TANGO2: variants seen among roughly 807,000 people sequenced by gnomAD.
The protein encoded by TANGO2 is transport and golgi organization 2 homolog.
TANGO2 carries 26 observed loss-of-function variants against 39.1 expected under a neutral mutation model. That is an observed-to-expected ratio of 0.67 (90% CI 0.49 to 0.92). The LOEUF (loss-of-function observed/expected upper bound fraction) is 0.92, where lower values mean the gene tolerates loss of function less well. TANGO2 is among the 40% of genes least tolerant of loss of function. TANGO2 has a pLI of 0.00. For missense variants in TANGO2, 326 were observed against 360.1 expected, an observed-to-expected ratio of 0.91 and a Z score of 0.77; for synonymous variants, 131 against 144.5, an observed-to-expected ratio of 0.91 and a Z score of 0.67.
chr22:20,044,428 A>G (rs1032220770), intron 3 of TANGO2, among the ~76,000 whole-genome samples: 1 of 152,210 alleles, frequency 6.6e-6, no homozygotes, highest in African/African-American at 2.4e-5. Context: ...CAGGAGGCTG[A>G]GGCTAGAGAA....
chr22:20,019,978 G>T (rs937517578), upstream of TANGO2, among the ~76,000 whole-genome samples: 1 of 152,238 alleles, frequency 6.6e-6, no homozygotes. Context: ...CAACGGGCCC[G>T]CATGTAGGTC....
chr22:20,056,038 G>A (rs1435107197), intron 6 of TANGO2, 25 bp downstream of exon 6: 4 of 1,597,006 alleles, frequency 2.5e-6, no homozygotes, highest in Non-Finnish European at 3.4e-6. Flanking sequence ...GCAGCCTGAT[G>A]GGGTGGGGGA....
rs1239160311 is a variant in TANGO2 at position 20,057,925 on chromosome 22, T to TGGCTGGA, written c.451+1914_451+1920dup. 6.6e-6 allele frequency: 1 copy of TGGCTGGA among 152,204 alleles called. No individual in the cohort carries two copies. The highest frequency in any genetic ancestry group is 1.5e-5 in the Non-Finnish European group (1 of 68,044). The allele number at this position is 152,204 out of a possible 1,614,324, so 9.4% of individuals were successfully genotyped here. A position where few individuals can be genotyped will look rare whatever the true frequency, so the allele number is the denominator to read the frequency against. On this transcript the variant is annotated intron_variant, in intron 6 of 8. Coordinates refer to ENST00000327374, the MANE Select transcript of TANGO2 (RefSeq NM_152906.7). This position sits in a 1 kb window ranked among gnomAD's most constrained non-coding sequence, Gnocchi z 4.1. ...CGGTTCTCAGAGGCTGAGACCTCCG[T>TGGCTGGA]GGCTGGAGATGCTTATTTTCTGCTC...
chr22:20,024,851 C>G (rs1305067336), intron 1 of TANGO2, among the ~76,000 whole-genome samples: 1 of 152,118 alleles, frequency 6.6e-6, no homozygotes, highest in African/African-American at 2.4e-5. Flanking sequence ...CCCTCTGGCC[C>G]CCAGGGTCTC....
At chr22:20,064,274 G>C (rs768919892) in intron 8 of TANGO2, among the ~76,000 whole-genome samples, 1 of 152,218 alleles carries the variant, frequency 6.6e-6, no homozygotes, top group Non-Finnish European at 1.5e-5. Context: ...CATGCTACAC[G>C]GGGAGAGCAG....
chr22:20,037,524 T>G (rs1461001013), intron 2 of TANGO2, among the ~76,000 whole-genome samples: 1 of 152,174 alleles, frequency 6.6e-6, no homozygotes, highest in Non-Finnish European at 1.5e-5. Flanking sequence ...GTACCAGAAA[T>G]GATTTGAACC....
At position 20,061,596 on chromosome 22, in the gene TANGO2, T is replaced by G. The variant is rs1462626617; in HGVS notation, c.518T>G (p.Leu173Arg). ...PWRKLCFGKQ[L>R]FLEAVERSQA... ...AGGAAGCTGTGCTTTGGGAAGCAGC[T>G]CTTCCTGGAGGCTGTGGAACGGAGC... Residue 173 changes from leucine (L) to arginine (R), a missense_variant, in exon 7 of 9, where the codon CTC becomes CGC. Coordinates refer to ENST00000327374, the MANE Select transcript of TANGO2 (RefSeq NM_152906.7). 3.1e-6 allele frequency: 5 copies of G among 1,595,984 alleles called. No homozygotes were observed. The highest frequency in any genetic ancestry group is 4.3e-6 in the Non-Finnish European group (5 of 1,171,470).
chr22:20,052,683 A>G (rs1317063449), intron 4 of TANGO2, 99 bp downstream of exon 4: 2 of 1,433,850 alleles, frequency 1.4e-6, no homozygotes, highest in Non-Finnish European at 9.4e-7. Flanking sequence ...TGGCCAATGT[A>G]TGGTGGAGTG....
chr22:20,049,653 T>G (rs1602188162), intron 3 of TANGO2, among the ~76,000 whole-genome samples: 1 of 139,324 alleles, frequency 7.2e-6, no homozygotes. Flanking sequence ...AGAGCGAAAC[T>G]CTGTCTCAAA....
At chr22:20,062,458 C>T (rs1265965055) in intron 7 of TANGO2, among the ~76,000 whole-genome samples, 1 of 152,228 alleles carries the variant, frequency 6.6e-6, no homozygotes, top group Non-Finnish European at 1.5e-5. Flanking sequence ...CCTTTCTGCC[C>T]CCTGCCTACC....
intron 1 of TANGO2, among the ~76,000 whole-genome samples, chr22:20,026,859 C>T (rs1280914541): frequency 2.0e-5 from 3 of 152,180 alleles, no homozygotes; most frequent in Non-Finnish European, 4.4e-5. Flanking sequence ...GGGACTTGGC[C>T]AAGTCTGTTT....
chr22:20,045,169 C>T (rs2044877863), intron 3 of TANGO2, among the ~76,000 whole-genome samples: 1 of 151,942 alleles, frequency 6.6e-6, no homozygotes, highest in Non-Finnish European at 1.5e-5. Flanking sequence ...GGGCCGGTGG[C>T]TCACACCTGT....
In TANGO2 at chr22:20,052,447, C is replaced by T. The variant is rs765391809; in HGVS notation, c.146-18C>T. 6.3e-7 allele frequency: 1 copy of T among 1,588,328 alleles called. No individual in the cohort carries two copies. The highest frequency in any genetic ancestry group is 2.3e-5 in the East Asian group (1 of 43,732). On this transcript the variant is annotated intron_variant, in intron 3 of 8. Transcript: ENST00000327374. ...GAATGGGTGGCATCAATGGTGGTAA[C>T]ACTGTCATCTGCCACAGGGCTGGAC... is the stretch of plus-strand genomic sequence containing the variant.
intron 5 of TANGO2, 60 bp downstream of exon 5, chr22:20,053,611 G>T: frequency 8.7e-7 from 1 of 1,149,776 alleles, no homozygotes; most frequent in Non-Finnish European, 1.3e-6. Context: ...GCAGGCCTCA[G>T]GCTCATCAGG....
chr22:20,050,357 G>GTTTTTT lies in TANGO2; in HGVS notation c.146-2108_146-2107insTTTTTT, dbSNP rs1491540119. On this transcript the variant is annotated intron_variant, in intron 3 of 8. Coordinates refer to ENST00000327374, the MANE Select transcript of TANGO2 (RefSeq NM_152906.7). ...ATTTTTCATTAAATATTTTCCTGGTGGTTTTTTTTTTTTTTTTTTTTTTTG... is the reference window on the plus strand; with the variant it reads ...ATTTTTCATTAAATATTTTCCTGGTGTTTTTTGTTTTTTTTTTTTTTTTTTTTTTTG... 6.9e-4 allele frequency among the ~76,000 whole-genome samples: 48 copies of GTTTTTT among 69,196 alleles called. 4 individuals carry two copies. Among genetic ancestry groups the GTTTTTT allele is most frequent in the African/African-American group, 7.0e-4 (13 of 18,646 alleles). 45.4% of individuals were successfully genotyped at this position (69,196 alleles called of 152,430 possible).
At chr22:20,045,187 G>C (rs932550021) in intron 3 of TANGO2, among the ~76,000 whole-genome samples, 1 of 151,682 alleles carries the variant, frequency 6.6e-6, no homozygotes, top group Non-Finnish European at 1.5e-5. Flanking sequence ...TGTAATCTCA[G>C]CACTTTGGGA....
chr22:20,029,667 AGGCTGGT>A (rs2041467639), intron 1 of TANGO2, among the ~76,000 whole-genome samples: 2 of 152,114 alleles, frequency 1.3e-5, no homozygotes, highest in Admixed American at 6.5e-5. Flanking sequence ...GTCCCTGCTG[AGGCTGGT>A]GGCATTTGCA....
chr22:20,045,977 C>T (rs2045099209), intron 3 of TANGO2, among the ~76,000 whole-genome samples: 2 of 151,984 alleles, frequency 1.3e-5, no homozygotes, highest in African/African-American at 4.8e-5. Context: ...GGGAGCCAGC[C>T]CTACTCCCTG....
At chr22:20,017,153 C>G (rs1945241282), upstream of TANGO2, 1 of 152,310 alleles carries the variant, frequency 6.6e-6, no homozygotes, top group Non-Finnish European at 1.5e-5. Flanking sequence ...CTTCCCCGGA[C>G]TCTGGCCGCG....
Sources: gnomAD v4.1 joint callset for allele counts (sites outside exome capture counted in the v4.1 genomes callset) on GRCh38, gnomAD v4.1.1 for gene constraint, Gnocchi (gnomAD v3.1) non-coding constraint, MANE v1.5 for transcripts, NCBI Gene and HGNC (gene_info 2026-07-23, HGNC 2026-07-21) for gene names.